Variants in PKP2 observed in about 807,000 individuals in gnomAD.
The protein encoded by PKP2 is plakophilin 2, also known as plakophilin-2.
In PKP2, 73 loss-of-function variants were observed where a neutral mutation model predicts 83.4. That is an observed-to-expected ratio of 0.88 (90% confidence interval 0.72 to 1.06). PKP2 has a LOEUF of 1.06. Among genes scored for constraint, PKP2 ranks in the 50% least tolerant of loss-of-function variants. The pLI is 0.00. For synonymous variants in PKP2, 409 were observed against 430.4 expected, an observed-to-expected ratio of 0.95 and a Z score of 0.62; for missense variants, 966 against 1,065.4, an observed-to-expected ratio of 0.91 and a Z score of 1.30.
chr12:32,893,744 T>TAGTG (rs905677932), intron 1 of PKP2: 1 of 152,110 alleles, frequency 6.6e-6, no homozygotes, highest in Non-Finnish European at 1.5e-5. Context: ...AGGACCAAGA[T>TAGTG]AGTGCCCTTT....
At chr12:32,882,406 T>C (rs1376286435) in intron 1 of PKP2, among the ~76,000 whole-genome samples, 1 of 152,106 alleles carries the variant, frequency 6.6e-6, no homozygotes, top group Non-Finnish European at 1.5e-5. Context: ...ACCTGGAATA[T>C]ACCCTTGCCC....
chr12:32,872,258 G>A (rs766024149), intron 3 of PKP2, among the ~76,000 whole-genome samples: 6 of 152,076 alleles, frequency 3.9e-5, no homozygotes, highest in African/African-American at 1.2e-4. Context: ...TTGGCCGGGC[G>A]GTGGTGGCTC....
At chr12:32,877,384 A>G (rs1201633682) in intron 3 of PKP2, among the ~76,000 whole-genome samples, 1 of 152,236 alleles carries the variant, frequency 6.6e-6, no homozygotes, top group East Asian at 1.9e-4. Flanking sequence ...CAAAGGAAGA[A>G]AAAAGACATC....
chr12:32,854,281 C>T (rs2137874848), intron 4 of PKP2, among the ~76,000 whole-genome samples: 2 of 152,330 alleles, frequency 1.3e-5, no homozygotes, highest in South Asian at 4.1e-4. Context: ...AGCACTTGCT[C>T]TAGCCCGGAA....
At chr12:32,889,757 C>G (rs1957061221) in intron 1 of PKP2, among the ~76,000 whole-genome samples, 2 of 152,074 alleles carry the variant, frequency 1.3e-5, no homozygotes, top group African/African-American at 4.8e-5. Flanking sequence ...AAAGTTGCTT[C>G]CCCAGAATGT....
intron 9 of PKP2, among the ~76,000 whole-genome samples, chr12:32,810,962 TGAGCCACCGCGCCCGGCC>T (rs1353382941): frequency 6.2e-4 from 4 of 6,476 alleles, no homozygotes; most frequent in East Asian, 0.016. Flanking sequence ...ATTACAGGCG[TGAGCCACCGCGCCCGGCC>T]AGAATAAACA....
intron 3 of PKP2, among the ~76,000 whole-genome samples, chr12:32,875,807 A>T (rs958456974): frequency 3.2e-4 from 49 of 152,134 alleles, no homozygotes. Context: ...GATGGGTGGA[A>T]GTTGAGGATA....
intron 9 of PKP2, 170 bp downstream of exon 9, chr12:32,821,186 G>A: frequency 3.1e-6 from 2 of 643,854 alleles, no homozygotes. Flanking sequence ...CAAGCAGCCT[G>A]ACTTGACTTT....
chr12:32,880,570 T>C (rs1956976180), intron 1 of PKP2, among the ~76,000 whole-genome samples: 1 of 152,136 alleles, frequency 6.6e-6, no homozygotes, highest in South Asian at 2.1e-4. Flanking sequence ...TTTTGTGGAA[T>C]CACCTGGCCC....
intron 9 of PKP2, among the ~76,000 whole-genome samples, chr12:32,809,205 T>C (rs1427008525): frequency 6.6e-6 from 1 of 152,112 alleles, no homozygotes; most frequent in African/African-American, 2.4e-5. Context: ...TCTCTGTCCA[T>C]ATAAGCCCGG....
chr12:32,823,061 G>A (rs951035138), intron 7 of PKP2, among the ~76,000 whole-genome samples: 3 of 152,184 alleles, frequency 2.0e-5, no homozygotes, highest in Admixed American at 1.3e-4. Context: ...CTTTTCAGAG[G>A]TAGACAGCAC....
At chr12:32,819,832 T>G (rs1270507712) in intron 9 of PKP2, among the ~76,000 whole-genome samples, 1 of 151,598 alleles carries the variant, frequency 6.6e-6, no homozygotes, top group Non-Finnish European at 1.5e-5. Context: ...TAGCTTATAT[T>G]GAACTAGACT....
chr12:32,894,480 G>A (rs1295140972), intron 1 of PKP2: 1 of 152,112 alleles, frequency 6.6e-6, no homozygotes, highest in East Asian at 1.9e-4. Flanking sequence ...TGTGGAGTTG[G>A]GATTAAATTT....
intron 5 of PKP2, among the ~76,000 whole-genome samples, chr12:32,845,871 A>C (rs1956639645): frequency 6.6e-6 from 1 of 152,158 alleles, no homozygotes; most frequent in Non-Finnish European, 1.5e-5. Context: ...GCAAATCTTA[A>C]CTGGAATATC....
rs1592736940 is a variant in PKP2, at chr12:32,820,954, G to T, written c.2013+402C>A. On this transcript the variant is annotated intron_variant, in intron 9 of 12. Coordinates refer to ENST00000340811, the MANE Select transcript of PKP2 (RefSeq NM_001005242.3). ...TCATGGCTGTCTTTGTTACCCTATG[G>T]AGAGAGCCTTTGAGAACAAACCCAG... 1.2e-5 allele frequency: 3 copies of T among 259,194 alleles called. No individual in the cohort carries two copies. The South Asian group carries it at 1.4e-4, about 12-fold the overall frequency. The allele number at this position is 259,194 out of a possible 1,614,324, so 16.1% of individuals were successfully genotyped here.
intron 1 of PKP2, among the ~76,000 whole-genome samples, chr12:32,888,006 C>A (rs921668883): frequency 2.0e-5 from 3 of 151,914 alleles, no homozygotes; most frequent in Non-Finnish European, 4.4e-5. Flanking sequence ...AAGGCAAAAC[C>A]CCATCTGTAC....
intron 10 of PKP2, among the ~76,000 whole-genome samples, chr12:32,801,136 AG>A: frequency 6.6e-6 from 1 of 152,342 alleles, no homozygotes; most frequent in East Asian, 1.9e-4. Flanking sequence ...CTTAAAGTGA[AG>A]TTTATCAACA....
chr12:32,884,849 T>A (rs1304487628), intron 1 of PKP2, among the ~76,000 whole-genome samples: 4 of 151,948 alleles, frequency 2.6e-5, no homozygotes, highest in African/African-American at 9.7e-5. Flanking sequence ...GACTTCTGAT[T>A]GACCCGTCAC....
Position 32,791,690 on chromosome 12 carries a change from G to A in PKP2, c.*734C>T, listed in dbSNP as rs1956068312. 6.6e-6 allele frequency: 1 copy of A among 152,044 alleles called. No individual in the cohort carries two copies. The highest frequency in any genetic ancestry group is 2.4e-5 in the African/African-American group (1 of 41,404). The allele number at this position is 152,044 out of a possible 1,614,324, so 9.4% of individuals were successfully genotyped here. ...GGGAACGTTAAATTTTATCATCACA[G>A]TTGCCTTTCTCTGTGGAAAAGATTT... is the stretch of plus-strand genomic sequence containing the variant. On this transcript the variant is annotated 3_prime_UTR_variant, in exon 13 of 13. Transcript: ENST00000340811.
Sources: allele counts gnomAD v4.1 joint callset (sites outside exome capture counted in the v4.1 genomes callset), GRCh38; gene constraint gnomAD v4.1.1; transcripts MANE v1.5; gene names NCBI Gene and HGNC (gene_info 2026-07-23, HGNC 2026-07-21).